The following SMAP1 variants were observed in gnomAD, a reference collection of about 807,000 sequenced individuals.
SMAP1 encodes the protein small ArfGAP 1.
A neutral mutation model predicts 58.5 loss-of-function variants in SMAP1; 24 were observed. The observed-to-expected ratio is 0.41, with a 90% CI of 0.30 to 0.58. The LOEUF (loss-of-function observed/expected upper bound fraction) is 0.58, where lower values mean the gene tolerates loss of function less well. Ranked by LOEUF, SMAP1 falls within the 20% of genes least tolerant of loss-of-function variation. The pLI is 0.29. For missense variants in SMAP1, 563 were observed against 566.3 expected (o/e 0.99, Z 0.06); for synonymous variants, 216 against 196.6 (o/e 1.10, Z -0.82).
At chr6:70,746,170 C>G (rs1477582477) in intron 2 of SMAP1, among the ~76,000 whole-genome samples, 1 of 152,132 alleles carries the variant, frequency 6.6e-6, no homozygotes, top group Non-Finnish European at 1.5e-5. Flanking sequence ...TTATTTCTTT[C>G]TCTTGCCTGA....
chr6:70,709,458 C>G (rs1767967249), intron 1 of SMAP1, among the ~76,000 whole-genome samples: 1 of 152,098 alleles, frequency 6.6e-6, no homozygotes, highest in Non-Finnish European at 1.5e-5. Context: ...CCACCTGAGC[C>G]TGCGACTGCA....
intron 4 of SMAP1, among the ~76,000 whole-genome samples, chr6:70,788,515 A>T (rs1768185050): frequency 6.6e-6 from 1 of 152,104 alleles, no homozygotes; most frequent in Non-Finnish European, 1.5e-5. Context: ...GGAGGTGCGT[A>T]CTCCAGACTC....
At chr6:70,803,632 A>G (rs1025199922) in intron 6 of SMAP1, among the ~76,000 whole-genome samples, 31 of 152,264 alleles carry the variant, frequency 2.0e-4, no homozygotes, top group Middle Eastern at 3.4e-3. Context: ...GTGGGCATTT[A>G]GTGCTATAAA....
intron 6 of SMAP1, among the ~76,000 whole-genome samples, chr6:70,821,276 G>T (rs112838019): frequency 6.6e-6 from 1 of 151,970 alleles, no homozygotes; most frequent in Non-Finnish European, 1.5e-5. Context: ...ATTCATTTAT[G>T]TCATTGCATT....
At chr6:70,757,550 A>G (rs1177197537) in intron 3 of SMAP1, among the ~76,000 whole-genome samples, 5 of 151,708 alleles carry the variant, frequency 3.3e-5, no homozygotes, top group East Asian at 1.9e-4. Flanking sequence ...GCTTCTGCAC[A>G]GCAAAAGAAA....
intron 2 of SMAP1, among the ~76,000 whole-genome samples, chr6:70,741,372 C>G (rs891710564): frequency 1.3e-5 from 2 of 152,304 alleles, no homozygotes; most frequent in African/African-American, 4.8e-5. Context: ...GAAGGAGCCA[C>G]AGGCCCCATG....
intron 3 of SMAP1, among the ~76,000 whole-genome samples, chr6:70,769,820 G>A (rs1310199934): frequency 3.9e-5 from 6 of 152,128 alleles, no homozygotes; most frequent in South Asian, 4.2e-4. Context: ...TATTTTGCTC[G>A]TTAGTTGATG....
chr6:70,749,459 A>C (rs1361563134), intron 2 of SMAP1, among the ~76,000 whole-genome samples: 1 of 152,232 alleles, frequency 6.6e-6, no homozygotes, highest in Non-Finnish European at 1.5e-5. Flanking sequence ...TCCTTCTGTT[A>C]AACATTGATA....
chr6:70,760,677 C>T (rs1269714621), intron 3 of SMAP1, among the ~76,000 whole-genome samples: 2 of 151,970 alleles, frequency 1.3e-5, no homozygotes, highest in African/African-American at 4.8e-5. Context: ...TTTGAAAAGC[C>T]TAACATTTCT....
intron 3 of SMAP1, among the ~76,000 whole-genome samples, chr6:70,764,628 C>T (rs1018606462): frequency 1.3e-5 from 2 of 152,176 alleles, no homozygotes; most frequent in Non-Finnish European, 2.9e-5. Context: ...TTAAGTCCAC[C>T]GTTGAGACCT....
Position 70,861,457 on chromosome 6 carries a change from G to A in SMAP1, c.*1123G>A, listed in dbSNP as rs945435414. ...AGAGAAAACATGCAGAACAAATGAA[G>A]ACAAAACATACATTTTGTACCAACC... On this transcript the variant is annotated 3_prime_UTR_variant, in exon 11 of 11. Coordinates refer to ENST00000370455, the MANE Select transcript of SMAP1 (RefSeq NM_001044305.3). 1.8e-5 allele frequency: 10 copies of A among 564,414 alleles called. No homozygotes were observed. The highest frequency in any genetic ancestry group is 1.7e-4 in the African/African-American group (9 of 53,366). The allele number at this position is 564,414 out of a possible 1,614,324, so 35.0% of individuals were successfully genotyped here. A position where few individuals can be genotyped will look rare whatever the true frequency, so the allele number is the denominator to read the frequency against.
At chr6:70,849,967 A>G (rs934096944) in intron 7 of SMAP1, among the ~76,000 whole-genome samples, 5 of 152,210 alleles carry the variant, frequency 3.3e-5, no homozygotes, top group African/African-American at 1.2e-4. Flanking sequence ...TTAGTCACAT[A>G]TGTGATACTA....
At chr6:70,694,240 A>G (rs541935108) in intron 1 of SMAP1, 2 of 236,500 alleles carry the variant, frequency 8.5e-6, no homozygotes, top group Admixed American at 5.7e-5. Flanking sequence ...TTAATGATAC[A>G]CTCCACTGGC....
rs1676637241 is a variant in SMAP1 at position 70,818,344 on chromosome 6, TG to T, written c.577-18596del. ...TCACATGAACCCAGGAGGCAGAGGTTGCAGTGAGCCAAGATTGTGCCATTGC... is the reference window on the plus strand; with the variant it reads ...TCACATGAACCCAGGAGGCAGAGGTTCAGTGAGCCAAGATTGTGCCATTGC... On this transcript the variant is annotated intron_variant, in intron 6 of 10. Transcript: ENST00000370455. 4.6e-5 allele frequency among the ~76,000 whole-genome samples: 7 copies of T among 152,056 alleles called. No homozygotes were observed. The South Asian group carries it at 1.5e-3, about 32-fold the overall frequency.
chr6:70,834,371 C>CAAAAAA (rs3034191), intron 6 of SMAP1, among the ~76,000 whole-genome samples: 2 of 136,358 alleles, frequency 1.5e-5, no homozygotes, highest in Non-Finnish European at 3.1e-5. Flanking sequence ...TAAAATACAC[C>CAAAAAA]AAAAAAAAAA....
intron 6 of SMAP1, among the ~76,000 whole-genome samples, chr6:70,827,451 G>C (rs1770182621): frequency 6.6e-6 from 1 of 152,162 alleles, no homozygotes; most frequent in African/African-American, 2.4e-5. Flanking sequence ...TGTTGCTTTG[G>C]AGAAGGTCAG....
At chr6:70,736,702 T>C (rs1395037637) in intron 2 of SMAP1, among the ~76,000 whole-genome samples, 4 of 152,224 alleles carry the variant, frequency 2.6e-5, no homozygotes, top group Non-Finnish European at 5.9e-5. Context: ...AAAACTTGTA[T>C]ATTCTATGGT....
chr6:70,784,818 C>T (rs1304812280), intron 4 of SMAP1, among the ~76,000 whole-genome samples: 1 of 152,216 alleles, frequency 6.6e-6, no homozygotes, highest in African/African-American at 2.4e-5. Context: ...CCTGAGTGAC[C>T]TACATAAAGA....
At chr6:70,675,531 A>G (rs1051953420) in intron 1 of SMAP1, among the ~76,000 whole-genome samples, 8 of 151,920 alleles carry the variant, frequency 5.3e-5, no homozygotes, top group African/African-American at 1.9e-4. Context: ...CACTCCTGTA[A>G]TCCCAGCTAC....
Sources: allele counts gnomAD v4.1 joint callset (sites outside exome capture counted in the v4.1 genomes callset), GRCh38; gene constraint gnomAD v4.1.1; transcripts MANE v1.5; gene names NCBI Gene and HGNC (gene_info 2026-07-23, HGNC 2026-07-21).